The following ADGRB3 variants were observed in gnomAD, a reference collection of about 807,000 sequenced individuals.
ADGRB3 encodes adhesion G protein-coupled receptor B3.
In ADGRB3, 37 loss-of-function variants were observed where a neutral mutation model predicts 193.4. The observed-to-expected ratio is 0.19, with a 90% CI of 0.15 to 0.25. ADGRB3 has a LOEUF of 0.25. Ranked by LOEUF, ADGRB3 falls within the 10% of genes least tolerant of loss-of-function variation. The pLI is 1.00. For missense variants in ADGRB3, 1,637 were observed against 1,852.9 expected (o/e 0.88, Z 2.14); for synonymous variants, 690 against 644.2 (o/e 1.07, Z -1.08).
chr6:68,894,398 ATTCCTG>A, intron 3 of ADGRB3, among the ~76,000 whole-genome samples: 1 of 152,092 alleles, frequency 6.6e-6, no homozygotes, highest in Non-Finnish European at 1.5e-5. Flanking sequence ...TCTGCAGAAT[ATTCCTG>A]TTCTATATGA....
At chr6:69,254,040 T>C (rs1200565548) in intron 20 of ADGRB3, among the ~76,000 whole-genome samples, 1 of 152,090 alleles carries the variant, frequency 6.6e-6, no homozygotes, top group Non-Finnish European at 1.5e-5. Flanking sequence ...GGAAGCAAAA[T>C]ATTTCTGAAA....
intron 3 of ADGRB3, among the ~76,000 whole-genome samples, chr6:68,753,375 C>T (rs546431128): frequency 1.7e-4 from 26 of 152,236 alleles, no homozygotes; most frequent in African/African-American, 4.8e-4. Context: ...AAATAGCTAA[C>T]GCCACAAGAA....
chr6:69,018,512 AT>A lies in ADGRB3; in HGVS notation c.2107+17del, dbSNP rs756288384. The A allele has an allele frequency of 2.6e-6, 4 of 1,553,398 alleles. No homozygotes were observed. Among genetic ancestry groups the A allele is most frequent in the Non-Finnish European group, 3.5e-6 (4 of 1,130,998 alleles). Reference sequence around the variant, plus strand: ...ACTGGAAATGTAGGTAAGAAATAGGATTTTCCCCCAAAATCTTTCTGAAATA... The same window carrying A: ...ACTGGAAATGTAGGTAAGAAATAGGATTTCCCCCAAAATCTTTCTGAAATA... On this transcript the variant is annotated intron_variant, in intron 13 of 31. Transcript: ENST00000370598.
At chr6:69,294,050 G>A (rs754991820) in intron 20 of ADGRB3, among the ~76,000 whole-genome samples, 1 of 152,132 alleles carries the variant, frequency 6.6e-6, no homozygotes, top group Non-Finnish European at 1.5e-5. Flanking sequence ...ATGTATCACT[G>A]TTCCCTCTTC....
intron 3 of ADGRB3, among the ~76,000 whole-genome samples, chr6:68,893,048 T>A (rs886754572): frequency 7.9e-5 from 12 of 152,110 alleles, no homozygotes; most frequent in Admixed American, 3.3e-4. Flanking sequence ...CTTGAAAACA[T>A]TGGAAAATTT....
At chr6:69,128,560 C>T (rs1773917089) in intron 17 of ADGRB3, among the ~76,000 whole-genome samples, 1 of 152,088 alleles carries the variant, frequency 6.6e-6, no homozygotes, top group Non-Finnish European at 1.5e-5. Flanking sequence ...TATAAACTCA[C>T]CCCACTCCAA....
intron 3 of ADGRB3, among the ~76,000 whole-genome samples, chr6:68,910,211 G>T (rs1766661391): frequency 6.6e-6 from 1 of 152,164 alleles, no homozygotes; most frequent in South Asian, 2.1e-4. Flanking sequence ...CTTCTTTTGA[G>T]AAGTGTCTGT....
intron 8 of ADGRB3, among the ~76,000 whole-genome samples, chr6:68,960,381 T>C (rs1453654217): frequency 6.6e-6 from 1 of 152,166 alleles, no homozygotes; most frequent in Non-Finnish European, 1.5e-5. Flanking sequence ...GTGATGTTTA[T>C]CTATAAATAT....
intron 13 of ADGRB3, among the ~76,000 whole-genome samples, chr6:69,019,019 AG>A (rs1360798965): frequency 6.6e-6 from 1 of 152,002 alleles, no homozygotes; most frequent in Non-Finnish European, 1.5e-5. Flanking sequence ...CTGCCAATGC[AG>A]TTTTTCTGAA....
At chr6:68,847,166 A>G (rs1383432799) in intron 3 of ADGRB3, among the ~76,000 whole-genome samples, 3 of 151,926 alleles carry the variant, frequency 2.0e-5, no homozygotes, top group Non-Finnish European at 2.9e-5. Flanking sequence ...GGCTGTATTT[A>G]CCCAATACCC....
intron 3 of ADGRB3, among the ~76,000 whole-genome samples, chr6:68,923,705 G>T (rs969106323): frequency 3.3e-5 from 5 of 151,936 alleles, no homozygotes; most frequent in Admixed American, 2.6e-4. Context: ...GTACAATACT[G>T]GACTTTTAAG....
intron 3 of ADGRB3, among the ~76,000 whole-genome samples, chr6:68,653,691 A>G (rs1044691895): frequency 6.6e-6 from 1 of 152,116 alleles, no homozygotes; most frequent in Admixed American, 6.6e-5. Flanking sequence ...TTTTAAAACT[A>G]CATTAGAGAG....
chr6:68,868,817 T>C (rs182582227), intron 3 of ADGRB3, among the ~76,000 whole-genome samples: 1 of 152,232 alleles, frequency 6.6e-6, no homozygotes, highest in Admixed American at 6.5e-5. Context: ...ACAAGCTGCC[T>C]TGTAATACAA....
At chr6:68,801,505 T>A (rs910028039) in intron 3 of ADGRB3, among the ~76,000 whole-genome samples, 1 of 151,928 alleles carries the variant, frequency 6.6e-6, no homozygotes, top group African/African-American at 2.4e-5. Context: ...CTGGTCAACA[T>A]AGCGAAACCC....
chr6:69,110,696 A>G (rs925511225), intron 17 of ADGRB3, among the ~76,000 whole-genome samples: 2 of 152,238 alleles, frequency 1.3e-5, no homozygotes, highest in Non-Finnish European at 2.9e-5. Context: ...ATAATAGTAC[A>G]AAGCCCATCA....
intron 20 of ADGRB3, among the ~76,000 whole-genome samples, chr6:69,244,491 G>A (rs146222058): frequency 4.6e-5 from 7 of 152,206 alleles, no homozygotes; most frequent in Admixed American, 3.9e-4. Flanking sequence ...ACACATTTAT[G>A]TACATGCCTG....
intron 3 of ADGRB3, among the ~76,000 whole-genome samples, chr6:68,643,851 G>A (rs1293335164): frequency 6.6e-6 from 1 of 150,744 alleles, no homozygotes; most frequent in Non-Finnish European, 1.5e-5. Flanking sequence ...AGAATTGCTT[G>A]AACCCTGGAG....
chr6:68,962,686 T>C (rs1768269568), intron 8 of ADGRB3, among the ~76,000 whole-genome samples: 1 of 152,204 alleles, frequency 6.6e-6, no homozygotes, highest in Non-Finnish European at 1.5e-5. Flanking sequence ...AAATAAACTT[T>C]AGGAACTGTT....
intron 3 of ADGRB3, among the ~76,000 whole-genome samples, chr6:68,926,389 G>T (rs1767181332): frequency 6.6e-6 from 1 of 152,048 alleles, no homozygotes; most frequent in Admixed American, 6.6e-5. Flanking sequence ...CATGGAGGTG[G>T]TGCCATTTGA....
Sources: allele counts gnomAD v4.1 joint callset (sites outside exome capture counted in the v4.1 genomes callset), GRCh38; gene constraint gnomAD v4.1.1; transcripts MANE v1.5; gene names NCBI Gene and HGNC (gene_info 2026-07-23, HGNC 2026-07-21).